Variants in LDLRAD3 observed in about 807,000 individuals in gnomAD.
LDLRAD3 encodes the protein low density lipoprotein receptor class A domain containing 3.
LDLRAD3 carries 20 observed loss-of-function variants against 29.4 expected under a neutral mutation model. That is an observed-to-expected ratio of 0.68 (90% confidence interval 0.48 to 0.99). LDLRAD3 has a LOEUF of 0.99. Among genes scored for constraint, LDLRAD3 ranks in the 50% least tolerant of loss-of-function variants. The pLI is 0.00. For synonymous variants in LDLRAD3, 157 were observed against 192.7 expected (o/e 0.81, Z 1.53); for missense variants, 420 against 454.3 (o/e 0.92, Z 0.69).
At chr11:35,989,976 A>G (rs1383380297) in intron 1 of LDLRAD3, among the ~76,000 whole-genome samples, 1 of 152,138 alleles carries the variant, frequency 6.6e-6, no homozygotes. Flanking sequence ...TACAGACACA[A>G]TGGCAATATT....
In LDLRAD3 at chr11:36,139,917, G is replaced by A. The variant is rs143866583; in HGVS notation, c.454+41456G>A. On this transcript the variant is annotated intron_variant, in intron 4 of 5. Transcript: ENST00000315571. The stretch of plus-strand genomic sequence containing the variant: ...GTGAATGTGCTGTGGGTTTAGAGCT[G>A]GGCACTGATTGGTTCTTCTGTGGCA... 1.1e-3 allele frequency among the ~76,000 whole-genome samples: 170 copies of A among 151,990 alleles called. 1 individual carries two copies. The highest frequency in any genetic ancestry group is 3.4e-3 in the African/African-American group (141 of 41,450).
chr11:35,967,844 A>G, intron 1 of LDLRAD3: 1 of 419,840 alleles, frequency 2.4e-6, no homozygotes, highest in South Asian at 1.8e-5. Flanking sequence ...TCCATTCTGA[A>G]TGATCATATG....
At chr11:36,012,606 G>A (rs1250605612) in intron 1 of LDLRAD3, among the ~76,000 whole-genome samples, 2 of 152,168 alleles carry the variant, frequency 1.3e-5, no homozygotes, top group East Asian at 3.8e-4. Flanking sequence ...CTAATAGGCA[G>A]ATAGTGTAGA....
chr11:36,193,984 A>G (rs1393558615), intron 4 of LDLRAD3, among the ~76,000 whole-genome samples: 1 of 152,214 alleles, frequency 6.6e-6, no homozygotes, highest in Non-Finnish European at 1.5e-5. Context: ...CAGTTTACAA[A>G]TGGGGACATT....
intron 3 of LDLRAD3, among the ~76,000 whole-genome samples, chr11:36,095,374 T>C (rs916117263): frequency 8.5e-6 from 1 of 117,956 alleles, no homozygotes; most frequent in Non-Finnish European, 2.0e-5. Flanking sequence ...CCTGGTACTT[T>C]AAGACCTTGA....
At chr11:36,062,104 A>T (rs1337518986) in intron 2 of LDLRAD3, among the ~76,000 whole-genome samples, 2 of 152,188 alleles carry the variant, frequency 1.3e-5, no homozygotes, top group African/African-American at 4.8e-5. Context: ...GAGAGAGGAA[A>T]AGCCCAGGGC....
intron 3 of LDLRAD3, among the ~76,000 whole-genome samples, chr11:36,092,848 C>T (rs985216122): frequency 6.6e-6 from 1 of 152,190 alleles, no homozygotes; most frequent in African/African-American, 2.4e-5. Flanking sequence ...AAGGCATGAA[C>T]ATTGTGATGT....
chr11:36,226,188 A>AGG (rs2133393363), intron 4 of LDLRAD3, among the ~76,000 whole-genome samples: 1 of 152,330 alleles, frequency 6.6e-6, no homozygotes, highest in South Asian at 2.1e-4. Flanking sequence ...GACTCATTTC[A>AGG]GGCTCACAGA....
chr11:36,139,329 A>G lies in LDLRAD3; in HGVS notation c.454+40868A>G, dbSNP rs141581938. Among the ~76,000 whole-genome samples the G allele has an allele frequency of 2.9e-3, 445 of 152,326 alleles. 5 individuals are homozygous for G. The East Asian group carries it at 0.032, about 11-fold the overall frequency. On this transcript the variant is annotated intron_variant, in intron 4 of 5. Transcript: ENST00000315571. ...CATGAAGACTTCAGTTCCAGTCCGC[A>G]TAATTCATCCGTCAATTATAGATGA...
chr11:36,194,276 G>A (rs190096692), intron 4 of LDLRAD3, among the ~76,000 whole-genome samples: 16 of 152,244 alleles, frequency 1.1e-4, no homozygotes, highest in African/African-American at 3.9e-4. Context: ...TTGCTTTGTA[G>A]GTCCATGATG....
rs183317000 is a variant in LDLRAD3 at position 36,083,004 on chromosome 11, T to G, written c.319+1226T>G. On this transcript the variant is annotated intron_variant, in intron 3 of 5. Coordinates refer to ENST00000315571, the MANE Select transcript of LDLRAD3 (RefSeq NM_174902.4). Reference sequence around the variant, plus strand: ...CTTACACGTTTATTTTCTGTGCATATATATATAAAAGACTTTATGTTTTAG... The same window carrying G: ...CTTACACGTTTATTTTCTGTGCATAGATATATAAAAGACTTTATGTTTTAG... Among the ~76,000 whole-genome samples the G allele has an allele frequency of 6.6e-4, 101 of 152,344 alleles. 1 individual carries two copies. Among genetic ancestry groups the G allele is most frequent in the Non-Finnish European group, 7.3e-4 (50 of 68,032 alleles).
intron 2 of LDLRAD3, among the ~76,000 whole-genome samples, chr11:36,069,135 C>A (rs1852850114): frequency 6.6e-6 from 1 of 152,208 alleles, no homozygotes; most frequent in South Asian, 2.1e-4. Context: ...ACTGTTGCAA[C>A]AAGCAAAGGA....
chr11:36,092,318 A>G (rs1001074832), intron 3 of LDLRAD3, among the ~76,000 whole-genome samples: 2 of 152,070 alleles, frequency 1.3e-5, no homozygotes, highest in African/African-American at 2.4e-5. Context: ...TATTTTTTAA[A>G]TTTATGCATA....
intron 4 of LDLRAD3, among the ~76,000 whole-genome samples, chr11:36,124,027 C>A (rs564055825): frequency 6.6e-6 from 1 of 152,328 alleles, no homozygotes; most frequent in South Asian, 2.1e-4. Flanking sequence ...AGAAGAGCTG[C>A]AAATAAGATG....
chr11:36,191,616 ACACACACGCACG>A (rs1359859925), intron 4 of LDLRAD3, among the ~76,000 whole-genome samples: 24 of 103,312 alleles, frequency 2.3e-4, no homozygotes, highest in African/African-American at 7.4e-4. Flanking sequence ...ACACACACAC[ACACACACGCACG>A]CACGCACGCA....
At chr11:36,058,823 T>C (rs1024750510) in intron 2 of LDLRAD3, among the ~76,000 whole-genome samples, 1 of 152,208 alleles carries the variant, frequency 6.6e-6, no homozygotes, top group African/African-American at 2.4e-5. Context: ...GTGAAACACC[T>C]TACAATGTAT....
At chr11:36,022,215 C>G (rs1437581088) in intron 1 of LDLRAD3, among the ~76,000 whole-genome samples, 2 of 152,190 alleles carry the variant, frequency 1.3e-5, no homozygotes, top group African/African-American at 4.8e-5. Context: ...CACCCTTCCT[C>G]TAATTATTAA....
intron 2 of LDLRAD3, among the ~76,000 whole-genome samples, chr11:36,072,991 G>A (rs1287385881): frequency 6.9e-6 from 1 of 145,528 alleles, no homozygotes; most frequent in African/African-American, 2.6e-5. Context: ...TACCCTTTCA[G>A]GGTGGAGAGT....
intron 3 of LDLRAD3, among the ~76,000 whole-genome samples, chr11:36,082,203 T>C (rs1267597083): frequency 6.6e-6 from 1 of 152,160 alleles, no homozygotes; most frequent in Non-Finnish European, 1.5e-5. Context: ...TTTTCTTACT[T>C]TGAATTCTTT....
Sources: allele counts gnomAD v4.1 joint callset (sites outside exome capture counted in the v4.1 genomes callset), GRCh38; gene constraint gnomAD v4.1.1; transcripts MANE v1.5; gene names NCBI Gene and HGNC (gene_info 2026-07-23, HGNC 2026-07-21).